SF3B3: variants seen among roughly 807,000 people sequenced by gnomAD.
SF3B3 encodes the protein SAP 130.
In SF3B3, 33 loss-of-function variants were observed where a neutral mutation model predicts 139.2. The ratio of observed to expected loss-of-function variants is 0.24; its 90% CI spans 0.18 to 0.32. SF3B3 has a LOEUF of 0.32. Ranked by LOEUF, SF3B3 falls within the 10% of genes least tolerant of loss-of-function variation. SF3B3 has a pLI of 1.00. For synonymous variants in SF3B3, 596 were observed against 563.6 expected, an observed-to-expected ratio of 1.06 and a Z score of -0.81; for missense variants, 818 against 1,509.4, an observed-to-expected ratio of 0.54 and a Z score of 7.59.
intron 1 of SF3B3, chr16:70,525,045 T>C (rs1159461251): frequency 6.6e-6 from 1 of 151,568 alleles, no homozygotes; most frequent in Non-Finnish European, 1.5e-5. Flanking sequence ...GTTTGTTTTG[T>C]TTTTGAGACG....
At chr16:70,558,261 G>A (rs973092532) in intron 15 of SF3B3, among the ~76,000 whole-genome samples, 3 of 137,726 alleles carry the variant, frequency 2.2e-5, no homozygotes, top group African/African-American at 6.0e-5. Flanking sequence ...CAGGAAAAAA[G>A]TAATTTTAAT....
At chr16:70,541,236 G>A (rs751228808) in intron 8 of SF3B3, among the ~76,000 whole-genome samples, 10 of 152,164 alleles carry the variant, frequency 6.6e-5, no homozygotes, top group Non-Finnish European at 1.2e-4. Flanking sequence ...GGCCATTTGT[G>A]TATCTTTGGA....
chr16:70,538,286 A>G, intron 6 of SF3B3, 37 bp from the exon 7 acceptor site: 1 of 1,600,204 alleles, frequency 6.2e-7, no homozygotes, highest in Non-Finnish European at 8.6e-7. Flanking sequence ...AGAAGTACCC[A>G]TTTCTAAGAC....
intron 15 of SF3B3, among the ~76,000 whole-genome samples, chr16:70,559,936 T>A (rs2050413883): frequency 1.3e-5 from 2 of 152,052 alleles, no homozygotes; most frequent in Non-Finnish European, 2.9e-5. Context: ...GGGTGGTAAA[T>A]TGACTCATTC....
At chr16:70,569,842 G>A (rs1194440935) in intron 23 of SF3B3, 164 bp from the exon 24 acceptor site, 12 of 713,256 alleles carry the variant, frequency 1.7e-5, no homozygotes, top group East Asian at 2.8e-5. Flanking sequence ...GCCCAGGCTG[G>A]TCTTGAAATC....
intron 2 of SF3B3, chr16:70,526,939 T>G (rs1274142169): frequency 1.7e-6 from 1 of 590,746 alleles, no homozygotes; most frequent in Non-Finnish European, 3.0e-6. Context: ...TAATGATTCT[T>G]GTCAGGGCAC....
At chr16:70,558,538 T>C (rs1039304205) in intron 15 of SF3B3, among the ~76,000 whole-genome samples, 3 of 152,180 alleles carry the variant, frequency 2.0e-5, no homozygotes, top group Non-Finnish European at 4.4e-5. Context: ...TGAAATCTGG[T>C]ATTGGCACTT....
intron 24 of SF3B3, among the ~76,000 whole-genome samples, 184 bp downstream of exon 24, chr16:70,570,333 GTT>G (rs71151192): frequency 4.1e-5 from 5 of 121,790 alleles, no homozygotes; most frequent in Non-Finnish European, 3.3e-5. Flanking sequence ...AGGCCATTTG[GTT>G]TTTTTTTTTT....
intron 5 of SF3B3, 76 bp from the exon 6 acceptor site, chr16:70,535,232 A>G: frequency 1.5e-6 from 1 of 666,706 alleles, no homozygotes; most frequent in Non-Finnish European, 2.6e-6. Context: ...GTTGTGCTGA[A>G]AGAGAGGAGG....
chr16:70,529,480 T>G (rs1014824550), intron 3 of SF3B3: 6 of 433,320 alleles, frequency 1.4e-5, no homozygotes, highest in African/African-American at 1.2e-4. Context: ...GATCTTATGT[T>G]ATTAGACAGT....
intron 21 of SF3B3, among the ~76,000 whole-genome samples, 181 bp downstream of exon 21, chr16:70,567,717 G>A (rs963947138): frequency 6.6e-5 from 10 of 152,026 alleles, no homozygotes; most frequent in African/African-American, 1.9e-4. Context: ...ACGGAGTCTC[G>A]CCCTGTTGCC....
At chr16:70,524,264 T>G (rs1289738159) in intron 1 of SF3B3, among the ~76,000 whole-genome samples, 2 of 151,964 alleles carry the variant, frequency 1.3e-5, no homozygotes, top group African/African-American at 4.8e-5. Flanking sequence ...GAGGGGAAGA[T>G]AGAAAGATGG....
intron 13 of SF3B3, among the ~76,000 whole-genome samples, chr16:70,555,742 C>G (rs1466985451): frequency 6.6e-6 from 1 of 152,182 alleles, no homozygotes; most frequent in Non-Finnish European, 1.5e-5. Context: ...ACTTAATTCT[C>G]TTGCTCTCAG....
intron 15 of SF3B3, among the ~76,000 whole-genome samples, chr16:70,557,268 CTAAG>C (rs1320032548): frequency 6.6e-6 from 1 of 152,196 alleles, no homozygotes; most frequent in Non-Finnish European, 1.5e-5. Flanking sequence ...GATAGCTACT[CTAAG>C]TCAGAACTGG....
chr16:70,538,349 A>G lies in SF3B3; in HGVS notation c.852A>G (p.Gly284=), dbSNP rs749926078. The part of the protein sequence containing the change: ...RRNDLDDPER[G]MIFVCSATHK... ...ATGACCTGGATGACCCTGAAAGAGG[A>G]ATGATTTTTGTCTGCTCTGCAACCC... is the stretch of plus-strand genomic sequence containing the variant. The change falls in exon 7 of 26, where the codon GGA becomes GGG. Residue 284 remains glycine, a synonymous_variant. Transcript: ENST00000302516. 3.1e-6 allele frequency: 5 copies of G among 1,614,052 alleles called. No homozygotes were observed. Among genetic ancestry groups the G allele is most frequent in the Middle Eastern group, 1.6e-4 (1 of 6,062 alleles).
rs775395398 is a variant in SF3B3 at position 70,556,341 on chromosome 16, G to A, written c.1866+7G>A. On this transcript the variant is annotated splice_region_variant and intron_variant, in intron 14 of 25. Coordinates refer to ENST00000302516, the MANE Select transcript of SF3B3 (RefSeq NM_012426.5). ...CATCTCCCTGGATCCCTCAGTGAGT[G>A]ACACTCTGAGCTTCAAGGATCATCT... 2.5e-6 allele frequency: 4 copies of A among 1,614,098 alleles called. No individual in the cohort carries two copies. In the Admixed American group the frequency reaches 5.0e-5, roughly 20 times the overall value.
chr16:70,568,200 A>T, intron 21 of SF3B3, 83 bp from the exon 22 acceptor site: 1 of 1,034,108 alleles, frequency 9.7e-7, no homozygotes, highest in Non-Finnish European at 1.5e-6. Context: ...GACCCTACGT[A>T]TGTCATACGG....
intron 10 of SF3B3, among the ~76,000 whole-genome samples, chr16:70,546,123 C>A (rs193034998): frequency 6.6e-6 from 1 of 152,154 alleles, no homozygotes; most frequent in African/African-American, 2.4e-5. Context: ...TGCGCCATCA[C>A]GCTTGGCTAA....
At chr16:70,540,171 G>A (rs897463940) in intron 8 of SF3B3, among the ~76,000 whole-genome samples, 1 of 148,376 alleles carries the variant, frequency 6.7e-6, no homozygotes, top group African/African-American at 2.5e-5. Flanking sequence ...GAGGCGGGCG[G>A]ATCACCTGAG....
Sources: gnomAD v4.1 joint callset for allele counts (sites outside exome capture counted in the v4.1 genomes callset) on GRCh38, gnomAD v4.1.1 for gene constraint, MANE v1.5 for transcripts, NCBI Gene and HGNC (gene_info 2026-07-23, HGNC 2026-07-21) for gene names.